CNTNAP2: variants seen among roughly 807,000 people sequenced by gnomAD.
CNTNAP2 encodes contactin associated protein 2, also known as contactin-associated protein-like 2.
In CNTNAP2, 98 loss-of-function variants were observed where a neutral mutation model predicts 155.2. That is an observed-to-expected ratio of 0.63 (90% confidence interval 0.54 to 0.75). The LOEUF (loss-of-function observed/expected upper bound fraction) is 0.75, where lower values mean the gene tolerates loss of function less well. CNTNAP2 is among the 30% of genes least tolerant of loss of function. CNTNAP2 has a pLI of 0.00. For missense variants in CNTNAP2, 1,727 were observed against 1,688.1 expected (o/e 1.02, Z -0.40); for synonymous variants, 651 against 631.2 (o/e 1.03, Z -0.47).
Position 147,409,015 on chromosome 7 carries a change from A to G in CNTNAP2, c.1670+13235A>G, listed in dbSNP as rs967645032. ...GTGGAAACCGGAAAAGGTATTGGCT[A>G]GAAAGAGAAACTGGTTTCAGAGTAA... On this transcript the variant is annotated intron_variant, in intron 10 of 23. Transcript: ENST00000361727. Among the ~76,000 whole-genome samples the G allele has an allele frequency of 7.2e-5, 11 of 152,212 alleles. 1 individual carries two copies. The highest frequency in any genetic ancestry group is 7.2e-4 in the Admixed American group (11 of 15,272).
At chr7:147,834,807 A>G (rs1167533541) in intron 13 of CNTNAP2, among the ~76,000 whole-genome samples, 1 of 152,196 alleles carries the variant, frequency 6.6e-6, no homozygotes, top group East Asian at 1.9e-4. Context: ...ATGTTATATC[A>G]CACTTTGCCT....
chr7:146,457,002 T>C (rs1028755415), intron 1 of CNTNAP2, among the ~76,000 whole-genome samples: 1 of 152,192 alleles, frequency 6.6e-6, no homozygotes, highest in African/African-American at 2.4e-5. Flanking sequence ...AATATTTAAA[T>C]GTATTTTTTT....
chr7:147,510,865 A>G (rs145137280), intron 11 of CNTNAP2, among the ~76,000 whole-genome samples: 2,132 of 142,484 alleles, frequency 0.015, 120 homozygotes, highest in Non-Finnish European at 0.02. Flanking sequence ...ATATATATAT[A>G]TATATAATGC....
At chr7:147,623,255 G>GA (rs1224356685) in intron 12 of CNTNAP2, among the ~76,000 whole-genome samples, 1 of 152,014 alleles carries the variant, frequency 6.6e-6, no homozygotes, top group Non-Finnish European at 1.5e-5. Context: ...TCCTAAGCTA[G>GA]AGCATTCAGA....
chr7:146,746,318 C>G (rs1258988088), intron 1 of CNTNAP2, among the ~76,000 whole-genome samples: 1 of 152,036 alleles, frequency 6.6e-6, no homozygotes, highest in Non-Finnish European at 1.5e-5. Context: ...TTTCTATTTG[C>G]TTGCCCAGAG....
chr7:147,703,826 C>A (rs939469788), intron 13 of CNTNAP2, among the ~76,000 whole-genome samples: 8 of 152,130 alleles, frequency 5.3e-5, no homozygotes, highest in Non-Finnish European at 1.2e-4. Context: ...TATGTTTGCA[C>A]TCTTTACCCA....
At chr7:147,635,320 T>G (rs2116916947) in intron 12 of CNTNAP2, among the ~76,000 whole-genome samples, 1 of 152,138 alleles carries the variant, frequency 6.6e-6, no homozygotes, top group South Asian at 2.1e-4. Context: ...GACAGGGTCT[T>G]GCTGTGTTGC....
intron 8 of CNTNAP2, among the ~76,000 whole-genome samples, chr7:147,293,214 A>T (rs1022868651): frequency 2.6e-5 from 4 of 152,228 alleles, no homozygotes; most frequent in African/African-American, 7.2e-5. Context: ...CTTTACAATA[A>T]GGCATTTGGC....
chr7:147,707,887 C>A (rs1796340169), intron 13 of CNTNAP2, among the ~76,000 whole-genome samples: 1 of 152,150 alleles, frequency 6.6e-6, no homozygotes, highest in African/African-American at 2.4e-5. Context: ...ATGAGCTGGG[C>A]AGGCGTGAAC....
At chr7:147,839,527 A>G (rs1418203289) in intron 13 of CNTNAP2, among the ~76,000 whole-genome samples, 1 of 152,132 alleles carries the variant, frequency 6.6e-6, no homozygotes, top group Non-Finnish European at 1.5e-5. Context: ...AAAGAAAGCC[A>G]TGAAGGTTGT....
chr7:146,668,893 T>C lies in CNTNAP2; in HGVS notation c.98-105378T>C, dbSNP rs1253406814. Among the ~76,000 whole-genome samples, 12 of 152,144 alleles carry C rather than the reference T, an allele frequency of 7.9e-5. No individual in the cohort carries two copies. The East Asian group carries it at 2.3e-3, about 29-fold the overall frequency. On this transcript the variant is annotated intron_variant, in intron 1 of 23. Transcript: ENST00000361727. ...TTTTTATTTGGGTTTTCTTTCTCAC[T>C]TTATTGCTAGTTAGCCCATATTGTA...
At chr7:148,349,405 C>CTTTTT (rs369932664) in intron 21 of CNTNAP2, among the ~76,000 whole-genome samples, 45,733 of 135,558 alleles carry the variant, frequency 0.34, 9,987 homozygotes, top group Non-Finnish European at 0.4. Context: ...AAAAAAATCT[C>CTTTTT]TCTTTTTTTT....
intron 14 of CNTNAP2, among the ~76,000 whole-genome samples, chr7:147,921,377 G>A (rs920042167): frequency 9.9e-5 from 15 of 152,244 alleles, no homozygotes; most frequent in Admixed American, 5.9e-4. Context: ...CTAGGACAGT[G>A]CCTGGAAAGT....
At chr7:146,807,952 A>G (rs1490335514) in intron 2 of CNTNAP2, among the ~76,000 whole-genome samples, 2 of 152,134 alleles carry the variant, frequency 1.3e-5, no homozygotes, top group Admixed American at 6.6e-5. Flanking sequence ...TCTTAATAAT[A>G]GTGGGCCACT....
At chr7:146,316,147 A>G (rs940809667) in intron 1 of CNTNAP2, among the ~76,000 whole-genome samples, 47 of 152,234 alleles carry the variant, frequency 3.1e-4, no homozygotes, top group Admixed American at 5.9e-4. Context: ...TTATCAAGTC[A>G]TCTGTAATTG....
At chr7:147,400,059 G>A (rs1331731088) in intron 10 of CNTNAP2, among the ~76,000 whole-genome samples, 1 of 152,050 alleles carries the variant, frequency 6.6e-6, no homozygotes, top group African/African-American at 2.4e-5. Flanking sequence ...ACTGCTTGTG[G>A]CAAACATCTT....
At position 147,504,846 on chromosome 7, in the gene CNTNAP2, G is replaced by C. The variant is rs1046003701; in HGVS notation, c.1777+18805G>C. 7.4e-5 allele frequency among the ~76,000 whole-genome samples: 11 copies of C among 149,046 alleles called. No homozygotes were observed. The Admixed American group carries it at 7.4e-4, about 10-fold the overall frequency. ...TTCATATATATATATATATGAATCAGAAAGACTCATTTTTCCAGGCATTTT... is the reference window on the plus strand; with the variant it reads ...TTCATATATATATATATATGAATCACAAAGACTCATTTTTCCAGGCATTTT... On this transcript the variant is annotated intron_variant, in intron 11 of 23. Coordinates refer to ENST00000361727, the MANE Select transcript of CNTNAP2 (RefSeq NM_014141.6).
At chr7:148,236,935 T>C (rs1171494230) in intron 20 of CNTNAP2, among the ~76,000 whole-genome samples, 2 of 152,210 alleles carry the variant, frequency 1.3e-5, no homozygotes, top group Admixed American at 6.5e-5. Flanking sequence ...AAACCGTTCA[T>C]AGAGCTCTGC....
intron 11 of CNTNAP2, among the ~76,000 whole-genome samples, chr7:147,542,524 A>G (rs995221064): frequency 1.3e-5 from 2 of 152,186 alleles, no homozygotes; most frequent in African/African-American, 4.8e-5. Context: ...AGCTATTGGG[A>G]CTTAAGCTTC....
Sources: gnomAD v4.1 joint callset for allele counts (sites outside exome capture counted in the v4.1 genomes callset) on GRCh38, gnomAD v4.1.1 for gene constraint, MANE v1.5 for transcripts, NCBI Gene and HGNC (gene_info 2026-07-23, HGNC 2026-07-21) for gene names.